Variants in AACS observed in about 807,000 individuals in gnomAD.
AACS encodes acetoacetyl-CoA synthetase.
In AACS, 69 loss-of-function variants were observed where a neutral mutation model predicts 83.1. That is an observed-to-expected ratio of 0.83 (90% CI 0.68 to 1.01). The LOEUF (loss-of-function observed/expected upper bound fraction) is 1.01. Ranked by LOEUF, AACS falls within the 50% of genes least tolerant of loss-of-function variation. The probability of loss-of-function intolerance (pLI) is 0.00; values close to 1 mark genes in which losing one functional copy is unlikely to be tolerated. For synonymous variants in AACS, 333 were observed against 343.4 expected (o/e 0.97, Z 0.33); for missense variants, 866 against 882.2 (o/e 0.98, Z 0.23).
chr12:125,087,405 T>G (rs1303417465), intron 4 of AACS, among the ~76,000 whole-genome samples: 1 of 152,268 alleles, frequency 6.6e-6, no homozygotes, highest in Non-Finnish European at 1.5e-5. Context: ...TAAAGGCCTG[T>G]GCATGGACCT....
intron 1 of AACS, among the ~76,000 whole-genome samples, chr12:125,066,356 G>T (rs1241121187): frequency 6.6e-6 from 1 of 151,648 alleles, no homozygotes; most frequent in African/African-American, 2.4e-5. Context: ...TCTCCGTGGG[G>T]TAACCGCTCC....
At position 125,107,168 on chromosome 12, in the gene AACS, C is replaced by A. The variant is rs369677318; in HGVS notation, c.815C>A (p.Pro272Gln). The A allele has an allele frequency of 1.1e-5, 18 of 1,614,046 alleles. No homozygotes were observed. The highest frequency in any genetic ancestry group is 1.5e-5 in the Non-Finnish European group (18 of 1,180,046). Residue 272 changes from proline (P) to glutamine (Q), a missense_variant, in exon 8 of 18, where the codon CCG (proline) becomes CAG (glutamine). Transcript: ENST00000316519. ...FLATGTSEQA[P>Q]QLEFEQLPFS... ...GCCACCGGCACCAGTGAGCAGGCCC[C>A]GCAGCTGGAGTTCGAGCAGCTGCCC...
rs1294785053 is a variant in AACS, at chr12:125,136,919, A to T, written c.1881+55A>T. 9.6e-6 allele frequency: 15 copies of T among 1,569,258 alleles called. No homozygotes were observed. The African/African-American group carries it at 1.5e-4, about 15-fold the overall frequency. The stretch of plus-strand genomic sequence containing the variant: ...CGCAGCCATCGCCCCACGAGCCCAC[A>T]CATTGAGGGGCGCTTACATCTGAGC... On this transcript the variant is annotated intron_variant, in intron 17 of 17. Coordinates refer to ENST00000316519, the MANE Select transcript of AACS (RefSeq NM_023928.5).
chr12:125,095,826 C>T (rs1468966675), intron 5 of AACS, among the ~76,000 whole-genome samples: 3 of 152,196 alleles, frequency 2.0e-5, no homozygotes, highest in Non-Finnish European at 4.4e-5. Context: ...CTGAGTGGAG[C>T]CAGCACAGTG....
chr12:125,115,844 C>T (rs1416450163), intron 9 of AACS, among the ~76,000 whole-genome samples: 1 of 151,994 alleles, frequency 6.6e-6, no homozygotes, highest in African/African-American at 2.4e-5. Context: ...GGGACAGACC[C>T]CTGGGATTAC....
At chr12:125,106,972 C>G in intron 7 of AACS, 149 bp from the exon 8 acceptor site, 1 of 1,099,252 alleles carries the variant, frequency 9.1e-7, no homozygotes, top group Non-Finnish European at 1.3e-6. Context: ...TCCCCTGGTC[C>G]CAGGAAGTTT....
intron 3 of AACS, among the ~76,000 whole-genome samples, chr12:125,080,468 G>A (rs908176848): frequency 6.9e-6 from 1 of 144,468 alleles, no homozygotes; most frequent in African/African-American, 2.7e-5. Flanking sequence ...ACTGGGTGGG[G>A]TGTCTCTCTC....
intron 7 of AACS, 107 bp downstream of exon 7, chr12:125,103,188 A>G: frequency 1.1e-6 from 1 of 933,664 alleles, no homozygotes; most frequent in Non-Finnish European, 1.6e-6. Flanking sequence ...GAATTTTAGA[A>G]GTGGAGGAGG....
At position 125,094,998 on chromosome 12, in the gene AACS, TG is replaced by T; in HGVS notation, c.570+3476del. Among the ~76,000 whole-genome samples the T allele has an allele frequency of 6.6e-6, 1 of 150,538 alleles. No individual in the cohort carries two copies. Among genetic ancestry groups the T allele is most frequent in the Admixed American group, 6.7e-5 (1 of 15,016 alleles). ...GTGGCCGTGTGTGTGTGTGTGTGTGTGTGTGTGTGTGTGTGTGTGTGTGTGT... is the reference window on the plus strand; with the variant it reads ...GTGGCCGTGTGTGTGTGTGTGTGTGTTGTGTGTGTGTGTGTGTGTGTGTGT... On this transcript the variant is annotated intron_variant, in intron 5 of 17. Coordinates refer to ENST00000316519, the MANE Select transcript of AACS (RefSeq NM_023928.5). The surrounding 1 kb of genome is among the most constrained non-coding windows in gnomAD (Gnocchi z 4.1).
chr12:125,130,571 CTCT>C lies in AACS; in HGVS notation c.1549+1113_1549+1115del, dbSNP rs1957316474. Among the ~76,000 whole-genome samples, 1 of 152,364 alleles carries C rather than the reference CTCT, an allele frequency of 6.6e-6. No homozygotes were observed. Among genetic ancestry groups the C allele is most frequent in the Admixed American group, 6.5e-5 (1 of 15,306 alleles). On this transcript the variant is annotated intron_variant, in intron 14 of 17. Transcript: ENST00000316519. The surrounding 1 kb of genome is among the most constrained non-coding windows in gnomAD (Gnocchi z 4.9). ...TCTGTAACATTGCTCTTTGAAAACT[CTCT>C]TTTCTGTCACTTTATTTGTCACATG... is the stretch of plus-strand genomic sequence containing the variant.
At chr12:125,106,993 C>T (rs1319577341) in intron 7 of AACS, 128 bp from the exon 8 acceptor site, 3 of 1,379,566 alleles carry the variant, frequency 2.2e-6, no homozygotes, top group African/African-American at 2.9e-5. Flanking sequence ...CCAAATCTGG[C>T]CACCGTCCCC....
intron 5 of AACS, among the ~76,000 whole-genome samples, chr12:125,100,549 C>T (rs916059484): frequency 2.0e-5 from 3 of 152,266 alleles, no homozygotes; most frequent in Admixed American, 6.5e-5. Flanking sequence ...TTTCTACTCC[C>T]TACTCTTCTC....
Position 125,103,092 on chromosome 12 carries a change from G to A in AACS, c.767+11G>A, listed in dbSNP as rs369064912. ...AAAGATTCCAAACAGGTAATGTACC[G>A]CATTCTGACCCACAGGTCCGTGTGG... On this transcript the variant is annotated intron_variant, in intron 7 of 17. Transcript: ENST00000316519. 6.9e-5 allele frequency: 111 copies of A among 1,611,346 alleles called. 1 individual carries two copies. The highest frequency in any genetic ancestry group is 8.5e-5 in the Non-Finnish European group (100 of 1,178,676).
chr12:125,133,227 G>C (rs1009393291), intron 14 of AACS, among the ~76,000 whole-genome samples: 1 of 152,104 alleles, frequency 6.6e-6, no homozygotes, highest in Non-Finnish European at 1.5e-5. Context: ...TGACTCTCTC[G>C]GCTGTGTGGC....
chr12:125,112,476 C>G (rs1437357876), intron 8 of AACS, among the ~76,000 whole-genome samples: 3 of 151,832 alleles, frequency 2.0e-5, no homozygotes, highest in Admixed American at 1.3e-4. Flanking sequence ...GTAAAGAGAT[C>G]GAGACCAGCC....
At position 125,102,794 on chromosome 12, in the gene AACS, G is replaced by C; in HGVS notation, c.685+1G>C. The stretch of plus-strand genomic sequence containing the variant: ...GAAAAGCTGCAGCAGGTGGTTAAAG[G>C]TGTGTGGCCCTTCCGGCTCCCAGCC... On this transcript the variant is annotated splice_donor_variant, in intron 6 of 17. Coordinates refer to ENST00000316519, the MANE Select transcript of AACS (RefSeq NM_023928.5). LOFTEE classifies it high-confidence loss of function. The C allele has an allele frequency of 6.2e-7, 1 of 1,613,826 alleles. No homozygotes were observed. Among genetic ancestry groups the C allele is most frequent in the East Asian group, 2.2e-5 (1 of 44,884 alleles).
At chr12:125,115,398 C>G (rs1957037084) in intron 9 of AACS, among the ~76,000 whole-genome samples, 1 of 151,902 alleles carries the variant, frequency 6.6e-6, no homozygotes, top group African/African-American at 2.4e-5. Context: ...GTAGCTGGGA[C>G]TACAGGCGTG....
At chr12:125,105,640 C>T (rs1010046025) in intron 7 of AACS, 2 of 152,176 alleles carry the variant, frequency 1.3e-5, no homozygotes, top group Non-Finnish European at 2.9e-5. Context: ...TCATTTAGCC[C>T]GACACCCCAG....
intron 3 of AACS, chr12:125,078,216 A>G (rs754382734): frequency 2.2e-6 from 1 of 454,580 alleles, no homozygotes; most frequent in Non-Finnish European, 4.4e-6. Context: ...GTTGGTAAAG[A>G]TCATGGCAGT....
Sources: gnomAD v4.1 joint callset for allele counts (sites outside exome capture counted in the v4.1 genomes callset) on GRCh38, gnomAD v4.1.1 for gene constraint, Gnocchi (gnomAD v3.1) non-coding constraint, MANE v1.5 for transcripts, NCBI Gene and HGNC (gene_info 2026-07-23, HGNC 2026-07-21) for gene names.